The following NT5DC1 variants were observed in gnomAD, a reference collection of about 807,000 sequenced individuals.
NT5DC1 encodes the protein 5'-nucleotidase domain-containing protein 1.
NT5DC1 carries 42 observed loss-of-function variants against 59.4 expected under a neutral mutation model. That is an observed-to-expected ratio of 0.71 (90% CI 0.55 to 0.92). The LOEUF is 0.92. Among genes scored for constraint, NT5DC1 ranks in the 40% least tolerant of loss-of-function variants. NT5DC1 has a pLI of 0.00. For missense variants in NT5DC1, 501 were observed against 537.1 expected (o/e 0.93, Z 0.66); for synonymous variants, 172 against 188.1 (o/e 0.91, Z 0.70).
At chr6:116,217,735 T>C (rs560689960) in intron 6 of NT5DC1, among the ~76,000 whole-genome samples, 1 of 152,274 alleles carries the variant, frequency 6.6e-6, no homozygotes, top group East Asian at 1.9e-4. Context: ...GGTATTCATA[T>C]GTTGAATACT....
chr6:116,115,893 C>G, intron 5 of NT5DC1, 123 bp downstream of exon 5: 1 of 450,612 alleles, frequency 2.2e-6, no homozygotes, highest in East Asian at 3.5e-5. Context: ...TCAGAGCTGA[C>G]TGGGAAAGAA....
chr6:116,145,097 A>G (rs1006328872), intron 6 of NT5DC1, among the ~76,000 whole-genome samples: 3 of 152,196 alleles, frequency 2.0e-5, no homozygotes, highest in Non-Finnish European at 1.5e-5. Context: ...GTTATAGGAC[A>G]TAAGAACTTC....
intron 8 of NT5DC1, among the ~76,000 whole-genome samples, chr6:116,227,835 G>T (rs1383255833): frequency 6.6e-6 from 1 of 152,066 alleles, no homozygotes; most frequent in Non-Finnish European, 1.5e-5. Flanking sequence ...ATTGAGATGA[G>T]TTCCTTTTAT....
At chr6:116,106,914 C>G (rs927365028) in intron 2 of NT5DC1, among the ~76,000 whole-genome samples, 1 of 152,078 alleles carries the variant, frequency 6.6e-6, no homozygotes, top group Admixed American at 6.5e-5. Flanking sequence ...TCAGGCCAGG[C>G]AGGCGTGGTG....
intron 11 of NT5DC1, among the ~76,000 whole-genome samples, chr6:116,242,146 G>A (rs1290114241): frequency 6.6e-6 from 1 of 151,484 alleles, no homozygotes; most frequent in African/African-American, 2.4e-5. Context: ...GGAGGCGGGC[G>A]GATCACGAGG....
intron 8 of NT5DC1, among the ~76,000 whole-genome samples, chr6:116,232,764 C>A (rs1231941540): frequency 6.6e-6 from 1 of 152,086 alleles, no homozygotes; most frequent in Non-Finnish European, 1.5e-5. Context: ...CTGTCAAAAA[C>A]TTTACTGTTT....
At chr6:116,126,910 C>G (rs1453278715) in intron 6 of NT5DC1, among the ~76,000 whole-genome samples, 1 of 152,064 alleles carries the variant, frequency 6.6e-6, no homozygotes, top group Non-Finnish European at 1.5e-5. Context: ...GAAACACTTT[C>G]CCTCAAAGGT....
chr6:116,239,700 G>A (rs192575298), intron 11 of NT5DC1, among the ~76,000 whole-genome samples: 1 of 152,264 alleles, frequency 6.6e-6, no homozygotes, highest in Admixed American at 6.5e-5. Flanking sequence ...GATTATTAGT[G>A]CCCCTGCACA....
chr6:116,163,699 A>T (rs547353384), intron 6 of NT5DC1, among the ~76,000 whole-genome samples: 3 of 152,164 alleles, frequency 2.0e-5, no homozygotes, highest in South Asian at 4.1e-4. Context: ...TTTGTTAGGT[A>T]CATCATTTGG....
At chr6:116,215,591 T>C (rs578059700) in intron 6 of NT5DC1, among the ~76,000 whole-genome samples, 2 of 152,178 alleles carry the variant, frequency 1.3e-5, no homozygotes, top group East Asian at 1.9e-4. Context: ...GGATTTGTTA[T>C]ATTTTGAATA....
chr6:116,106,921 G>C (rs1057315838), intron 2 of NT5DC1, among the ~76,000 whole-genome samples: 24 of 152,078 alleles, frequency 1.6e-4, no homozygotes, highest in African/African-American at 5.8e-4. Flanking sequence ...AGGCAGGCGT[G>C]GTGGCAATTC....
intron 6 of NT5DC1, among the ~76,000 whole-genome samples, chr6:116,177,038 T>C (rs1354732188): frequency 6.6e-6 from 1 of 152,224 alleles, no homozygotes; most frequent in Non-Finnish European, 1.5e-5. Context: ...TCCAGAGAAC[T>C]ACAACTAAAA....
chr6:116,150,167 T>A (rs1780002350), intron 6 of NT5DC1, among the ~76,000 whole-genome samples: 1 of 152,120 alleles, frequency 6.6e-6, no homozygotes, highest in Admixed American at 6.5e-5. Flanking sequence ...TACAGAAGAG[T>A]GACCAATTAG....
At chr6:116,215,864 G>A (rs1045909713) in intron 6 of NT5DC1, among the ~76,000 whole-genome samples, 5 of 152,002 alleles carry the variant, frequency 3.3e-5, no homozygotes, top group Admixed American at 1.3e-4. Context: ...AAATACTGCC[G>A]ACCCAAAATC....
chr6:116,204,866 A>G (rs563369644), intron 6 of NT5DC1, among the ~76,000 whole-genome samples: 1 of 152,048 alleles, frequency 6.6e-6, no homozygotes, highest in African/African-American at 2.4e-5. Context: ...TTATAATTAC[A>G]TGGCTAGATT....
intron 6 of NT5DC1, among the ~76,000 whole-genome samples, chr6:116,163,174 G>A (rs1333082772): frequency 1.5e-5 from 2 of 133,198 alleles, no homozygotes; most frequent in East Asian, 4.4e-4. Flanking sequence ...TAGTAATATT[G>A]ATACCAGCTC....
At chr6:116,178,090 CGCGCGCGCGCGCGTGCGTGCGTGT>C (rs2114467186) in intron 6 of NT5DC1, among the ~76,000 whole-genome samples, 1 of 103,572 alleles carries the variant, frequency 9.7e-6, no homozygotes, top group African/African-American at 5.3e-5. Context: ...TGTGTGTGTG[CGCGCGCGCGCGCGTGCGTGCGTGT>C]GTGTGTGTGT....
chr6:116,206,294 G>A (rs1206090560), intron 6 of NT5DC1, among the ~76,000 whole-genome samples: 1 of 151,938 alleles, frequency 6.6e-6, no homozygotes, highest in African/African-American at 2.4e-5. Flanking sequence ...TTTACTATGT[G>A]TAAAGCATTG....
At chr6:116,102,945 G>A (rs532088278) in intron 1 of NT5DC1, among the ~76,000 whole-genome samples, 2 of 152,320 alleles carry the variant, frequency 1.3e-5, no homozygotes, top group East Asian at 3.9e-4. Context: ...ATCCCATCAG[G>A]CCTCATCTTA....
Sources: allele counts gnomAD v4.1 joint callset (sites outside exome capture counted in the v4.1 genomes callset), GRCh38; gene constraint gnomAD v4.1.1; transcripts MANE v1.5; gene names NCBI Gene and HGNC (gene_info 2026-07-23, HGNC 2026-07-21).